SPAG16: variants seen among roughly 807,000 people sequenced by gnomAD.
The protein encoded by SPAG16 is sperm-associated antigen 16 protein.
Under a neutral mutation model 80.4 loss-of-function variants are expected in SPAG16, and 86 were observed. The ratio of observed to expected loss-of-function variants is 1.07; its 90% CI spans 0.90 to 1.28. The LOEUF is 1.28. SPAG16 is among the 50% of genes most tolerant of loss of function. The pLI, the probability that SPAG16 is intolerant of heterozygous loss-of-function variation, is 0.00. For missense variants in SPAG16, 870 were observed against 765.3 expected (o/e 1.14, Z -1.61); for synonymous variants, 294 against 265.9 (o/e 1.11, Z -1.03).
rs1445994722 is a variant in SPAG16 at position 214,149,341 on chromosome 2, C to T, written c.1720+75C>T. ...TTTGTTCTGAAACTATTTTGTTTCT[C>T]CTTAAATGTATGTATTTCTACGTAA... On this transcript the variant is annotated intron_variant, in intron 15 of 15. Transcript: ENST00000331683. 3.1e-6 allele frequency: 4 copies of T among 1,286,578 alleles called. No homozygotes were observed. The East Asian group carries it at 1.4e-4, about 45-fold the overall frequency. The allele number at this position is 1,286,578 out of a possible 1,614,324, so 79.7% of individuals were successfully genotyped here.
At chr2:213,881,128 T>C (rs1281872162) in intron 11 of SPAG16, among the ~76,000 whole-genome samples, 1 of 152,150 alleles carries the variant, frequency 6.6e-6, no homozygotes, top group Non-Finnish European at 1.5e-5. Context: ...GTGTTGTCTG[T>C]GATTTGTTTC....
At chr2:214,003,077 C>G (rs2046868068) in intron 12 of SPAG16, among the ~76,000 whole-genome samples, 1 of 152,184 alleles carries the variant, frequency 6.6e-6, no homozygotes, top group African/African-American at 2.4e-5. Context: ...TAACACATTT[C>G]AGAGGATCAA....
chr2:214,178,013 T>TATG (rs1559108494), intron 15 of SPAG16, among the ~76,000 whole-genome samples: 10 of 67,328 alleles, frequency 1.5e-4, no homozygotes, highest in Non-Finnish European at 1.9e-4. Flanking sequence ...ATATATATAT[T>TATG]CATACTTTAT....
chr2:214,043,462 C>G (rs2049145058), intron 13 of SPAG16, among the ~76,000 whole-genome samples: 1 of 152,132 alleles, frequency 6.6e-6, no homozygotes, highest in Admixed American at 6.6e-5. Context: ...GGAAATTAAT[C>G]AATTTCAGGC....
At chr2:213,724,792 AAAAAAAAAAG>A (rs2066686824) in intron 10 of SPAG16, among the ~76,000 whole-genome samples, 2 of 130,256 alleles carry the variant, frequency 1.5e-5, no homozygotes, top group African/African-American at 3.4e-5. Flanking sequence ...AAAAAAAAAA[AAAAAAAAAAG>A]AAAAAAGGAT....
chr2:213,828,587 C>T (rs1298428979), intron 10 of SPAG16, among the ~76,000 whole-genome samples: 1 of 152,152 alleles, frequency 6.6e-6, no homozygotes, highest in Non-Finnish European at 1.5e-5. Flanking sequence ...TGTGGATATA[C>T]TTCAGTGTCT....
At chr2:213,707,127 C>T (rs899973297) in intron 10 of SPAG16, among the ~76,000 whole-genome samples, 1 of 152,156 alleles carries the variant, frequency 6.6e-6, no homozygotes, top group Non-Finnish European at 1.5e-5. Context: ...ATGTGAAAAA[C>T]GGGAAGCAAA....
chr2:214,305,159 C>T (rs1694827014), intron 15 of SPAG16, among the ~76,000 whole-genome samples: 1 of 152,128 alleles, frequency 6.6e-6, no homozygotes, highest in African/African-American at 2.4e-5. Context: ...TGTTCGTTAG[C>T]TGCATGTATG....
At chr2:213,952,057 A>G (rs112633184) in intron 12 of SPAG16, among the ~76,000 whole-genome samples, 91 of 152,244 alleles carry the variant, frequency 6.0e-4, no homozygotes, top group Middle Eastern at 3.4e-3. Flanking sequence ...ATGGACAATC[A>G]CTGAGGGATG....
intron 14 of SPAG16, among the ~76,000 whole-genome samples, chr2:214,123,979 T>A (rs1365796465): frequency 6.6e-6 from 1 of 152,068 alleles, no homozygotes; most frequent in Non-Finnish European, 1.5e-5. Flanking sequence ...TGGATTTTTT[T>A]ATGTGACTAA....
intron 13 of SPAG16, among the ~76,000 whole-genome samples, chr2:214,042,155 G>T (rs1389861526): frequency 6.7e-6 from 1 of 149,884 alleles, no homozygotes; most frequent in Non-Finnish European, 1.5e-5. Flanking sequence ...GCACGATCTT[G>T]AATTACTGCA....
At position 213,746,405 on chromosome 2, in the gene SPAG16, T is replaced by C. The variant is rs896104820; in HGVS notation, c.1071-116080T>C. Among the ~76,000 whole-genome samples the C allele has an allele frequency of 1.9e-4, 29 of 152,346 alleles. 1 individual carries two copies. Among genetic ancestry groups the C allele is most frequent in the African/African-American group, 6.5e-4 (27 of 41,584 alleles). ...GATTATAACAGAGCTGAAAAATTCC[T>C]ATCACCTAGTGACACTGTAGCCGTT... On this transcript the variant is annotated intron_variant, in intron 10 of 15. Transcript: ENST00000331683.
intron 14 of SPAG16, among the ~76,000 whole-genome samples, chr2:214,126,036 TTCCTTCCTTCCTTCCTTCCTTCC>T (rs1175286913): frequency 0.077 from 3,188 of 41,348 alleles, 469 homozygotes; most frequent in African/African-American, 0.1. Flanking sequence ...CCTTCCTTCC[TTCCTTCCTTCCTTCCTTCCTTCC>T]TTTTTTTTTT....
At chr2:214,298,147 C>T (rs201207459) in intron 15 of SPAG16, among the ~76,000 whole-genome samples, 3 of 10,696 alleles carry the variant, frequency 2.8e-4, no homozygotes, top group African/African-American at 6.0e-4. Context: ...CACATACACA[C>T]ACACACACAT....
At chr2:214,026,967 T>A (rs991956118) in intron 13 of SPAG16, among the ~76,000 whole-genome samples, 5 of 151,654 alleles carry the variant, frequency 3.3e-5, no homozygotes, top group African/African-American at 1.2e-4. Flanking sequence ...TCTATCTAAA[T>A]CTTGTATATC....
At chr2:213,963,475 G>A (rs889759340) in intron 12 of SPAG16, among the ~76,000 whole-genome samples, 7 of 151,990 alleles carry the variant, frequency 4.6e-5, no homozygotes, top group Non-Finnish European at 8.8e-5. Flanking sequence ...GATTTATCTT[G>A]GAAAATGATC....
At chr2:214,265,664 AG>A (rs1025089248) in intron 15 of SPAG16, among the ~76,000 whole-genome samples, 49 of 152,146 alleles carry the variant, frequency 3.2e-4, no homozygotes, top group African/African-American at 1.2e-3. Context: ...GTATCTAAAA[AG>A]TCGTCACCAA....
At chr2:214,206,211 T>C (rs760695224) in intron 15 of SPAG16, among the ~76,000 whole-genome samples, 1 of 152,046 alleles carries the variant, frequency 6.6e-6, no homozygotes, top group African/African-American at 2.4e-5. Flanking sequence ...TCTATTGAAC[T>C]TACAACTAAT....
intron 10 of SPAG16, among the ~76,000 whole-genome samples, chr2:213,764,488 A>G (rs77969423): frequency 0.023 from 3,513 of 152,280 alleles, 123 homozygotes; most frequent in African/African-American, 0.078. Flanking sequence ...ACATTTTGCA[A>G]CGTAGTAGAT....
Sources: gnomAD v4.1 joint callset for allele counts (sites outside exome capture counted in the v4.1 genomes callset) on GRCh38, gnomAD v4.1.1 for gene constraint, MANE v1.5 for transcripts, NCBI Gene and HGNC (gene_info 2026-07-23, HGNC 2026-07-21) for gene names.